Variants in EPHA7 observed in about 807,000 individuals in gnomAD.
EPHA7 encodes the protein EPH receptor A7, also known as ephrin type-A receptor 7.
Under a neutral mutation model 112.6 loss-of-function variants are expected in EPHA7, and 25 were observed. The observed-to-expected ratio is 0.22, with a 90% CI of 0.16 to 0.31. The LOEUF (loss-of-function observed/expected upper bound fraction) is 0.31. Among genes scored for constraint, EPHA7 ranks in the 10% least tolerant of loss-of-function variants. The pLI is 1.00. For missense variants in EPHA7, 962 were observed against 1,212.6 expected (o/e 0.79, Z 3.07); for synonymous variants, 437 against 406.5 (o/e 1.07, Z -0.90).
At chr6:93,294,580 T>C (rs1416733444) in intron 5 of EPHA7, among the ~76,000 whole-genome samples, 3 of 152,292 alleles carry the variant, frequency 2.0e-5, no homozygotes, top group East Asian at 3.9e-4. Flanking sequence ...TTTTTCTTTT[T>C]AACAAATAGA....
Position 93,411,225 on chromosome 6 carries a change from T to G in EPHA7, c.163-55A>C, listed in dbSNP as rs1562168148. On this transcript the variant is annotated intron_variant, in intron 2 of 16. Coordinates refer to ENST00000369303, the MANE Select transcript of EPHA7 (RefSeq NM_004440.4). ...ATTCAGCAAAAAATAACATTTTGCT[T>G]TTGAAAGTGCAAGTACTTCACAAAT... is the stretch of plus-strand genomic sequence containing the variant. 6 of 1,444,490 alleles carry G rather than the reference T, an allele frequency of 4.2e-6. No individual in the cohort carries two copies. In the East Asian group the frequency reaches 1.4e-4, roughly 33 times the overall value. 89.5% of individuals were successfully genotyped at this position (1,444,490 alleles called of 1,614,324 possible).
intron 5 of EPHA7, among the ~76,000 whole-genome samples, chr6:93,306,079 T>C (rs1773242435): frequency 6.6e-6 from 1 of 151,996 alleles, no homozygotes. Context: ...GCAAGAATCA[T>C]ACTTACTTGA....
intron 5 of EPHA7, among the ~76,000 whole-genome samples, chr6:93,309,702 A>C (rs1773433936): frequency 6.6e-6 from 1 of 152,162 alleles, no homozygotes; most frequent in Admixed American, 6.5e-5. Flanking sequence ...ATTATAAAAT[A>C]TTTTATCATA....
At chr6:93,394,653 A>AT (rs774422309) in intron 3 of EPHA7, among the ~76,000 whole-genome samples, 7 of 151,806 alleles carry the variant, frequency 4.6e-5, no homozygotes, top group Non-Finnish European at 1.0e-4. Context: ...CACTTCTTTA[A>AT]TAAGTACAAA....
At chr6:93,337,976 G>C (rs1266440297) in intron 5 of EPHA7, among the ~76,000 whole-genome samples, 1 of 152,002 alleles carries the variant, frequency 6.6e-6, no homozygotes, top group African/African-American at 2.4e-5. Context: ...AAGAGGGAAG[G>C]AGACAAAGAA....
intron 7 of EPHA7, among the ~76,000 whole-genome samples, chr6:93,265,105 A>G (rs1770868842): frequency 6.6e-6 from 1 of 151,674 alleles, no homozygotes; most frequent in Admixed American, 6.6e-5. Flanking sequence ...ACCAAAATAC[A>G]TACCTCATGT....
At chr6:93,370,374 G>A (rs1294935662) in intron 3 of EPHA7, among the ~76,000 whole-genome samples, 1 of 152,106 alleles carries the variant, frequency 6.6e-6, no homozygotes, top group Non-Finnish European at 1.5e-5. Context: ...TTAGATTACT[G>A]AGAATTGCCA....
At chr6:93,298,467 C>A (rs1304688236) in intron 5 of EPHA7, among the ~76,000 whole-genome samples, 1 of 151,648 alleles carries the variant, frequency 6.6e-6, no homozygotes, top group East Asian at 1.9e-4. Flanking sequence ...AATTAAATGG[C>A]AACAAATCAT....
intron 5 of EPHA7, among the ~76,000 whole-genome samples, chr6:93,283,391 C>G (rs749591865): frequency 1.5e-4 from 23 of 152,080 alleles, no homozygotes; most frequent in Non-Finnish European, 3.2e-4. Context: ...GCTGCCCGAG[C>G]CAGCAGTGGC....
intron 5 of EPHA7, among the ~76,000 whole-genome samples, chr6:93,284,331 T>TTC (rs562638619): frequency 7.9e-5 from 12 of 151,248 alleles, no homozygotes; most frequent in South Asian, 4.2e-4. Flanking sequence ...TTTTTTTTTT[T>TTC]CAAAATCATC....
intron 5 of EPHA7, among the ~76,000 whole-genome samples, chr6:93,343,307 A>C (rs1052344123): frequency 6.6e-6 from 1 of 151,712 alleles, no homozygotes; most frequent in African/African-American, 2.4e-5. Flanking sequence ...TAAGAAAGAA[A>C]TATTTCTAAA....
chr6:93,331,435 T>C (rs1774588016), intron 5 of EPHA7, among the ~76,000 whole-genome samples: 1 of 147,988 alleles, frequency 6.8e-6, no homozygotes. Flanking sequence ...GCAGATTATA[T>C]ATTTAGCAGA....
chr6:93,342,649 T>C (rs1168063841), intron 5 of EPHA7, among the ~76,000 whole-genome samples: 1 of 151,808 alleles, frequency 6.6e-6, no homozygotes, highest in Non-Finnish European at 1.5e-5. Flanking sequence ...TTATTGCCAG[T>C]ACATTTATTT....
chr6:93,259,270 T>C, intron 10 of EPHA7, 84 bp downstream of exon 10: 2 of 1,540,110 alleles, frequency 1.3e-6, no homozygotes, highest in African/African-American at 2.7e-5. Context: ...ACTTGAGGGA[T>C]AATTATTTGC....
chr6:93,368,567 C>T (rs765122740), intron 3 of EPHA7, among the ~76,000 whole-genome samples: 5 of 152,070 alleles, frequency 3.3e-5, no homozygotes, highest in Non-Finnish European at 5.9e-5. Context: ...ATTGGACTAT[C>T]TTGTGAGTGG....
At chr6:93,375,158 T>A (rs1247078686) in intron 3 of EPHA7, among the ~76,000 whole-genome samples, 1 of 152,188 alleles carries the variant, frequency 6.6e-6, no homozygotes, top group Non-Finnish European at 1.5e-5. Context: ...GTTTTCCTTC[T>A]GTTATTGATC....
At position 93,410,404 on chromosome 6, in the gene EPHA7, A is replaced by G; in HGVS notation, c.832+97T>C. 8 of 1,136,540 alleles carry G rather than the reference A, an allele frequency of 7.0e-6. No individual in the cohort carries two copies. The highest frequency in any genetic ancestry group is 8.8e-6 in the Non-Finnish European group (7 of 794,192). The allele number at this position is 1,136,540 out of a possible 1,614,324, so 70.4% of individuals were successfully genotyped here. A position where few individuals can be genotyped will look rare whatever the true frequency, so the allele number is the denominator to read the frequency against. Reference sequence around the variant, plus strand: ...CTACTGAATTGCGCTTCTGGTACAGAGCAGATTCACGTATTCAAATAACTA... The same window carrying G: ...CTACTGAATTGCGCTTCTGGTACAGGGCAGATTCACGTATTCAAATAACTA... On this transcript the variant is annotated intron_variant, in intron 3 of 16. Coordinates refer to ENST00000369303, the MANE Select transcript of EPHA7 (RefSeq NM_004440.4). This position sits in a 1 kb window ranked among gnomAD's most constrained non-coding sequence, Gnocchi z 4.0.
chr6:93,407,753 G>A (rs192800166), intron 3 of EPHA7, among the ~76,000 whole-genome samples: 9 of 151,828 alleles, frequency 5.9e-5, no homozygotes, highest in Non-Finnish European at 1.3e-4. Context: ...TAAATACCTT[G>A]GTATAGTTTG....
chr6:93,318,547 T>C (rs1204540425), intron 5 of EPHA7, among the ~76,000 whole-genome samples: 1 of 152,126 alleles, frequency 6.6e-6, no homozygotes, highest in Non-Finnish European at 1.5e-5. Flanking sequence ...GACCTTAATC[T>C]TAAAATTATA....
Sources: allele counts gnomAD v4.1 joint callset (sites outside exome capture counted in the v4.1 genomes callset), GRCh38; gene constraint gnomAD v4.1.1; non-coding constraint Gnocchi (gnomAD v3.1); transcripts MANE v1.5; gene names NCBI Gene and HGNC (gene_info 2026-07-23, HGNC 2026-07-21).